The following LTBR variants were observed in gnomAD, a reference collection of about 807,000 sequenced individuals.
LTBR encodes the protein lymphotoxin beta receptor.
LTBR carries 15 observed loss-of-function variants against 45.4 expected under a neutral mutation model. The ratio of observed to expected loss-of-function variants is 0.33; its 90% CI spans 0.22 to 0.51. LTBR has a LOEUF of 0.51. Ranked by LOEUF, LTBR falls within the 20% of genes least tolerant of loss-of-function variation. LTBR has a pLI of 0.97. For synonymous variants in LTBR, 228 were observed against 231.0 expected (o/e 0.99, Z 0.12); for missense variants, 450 against 565.5 (o/e 0.80, Z 2.07).
Position 6,386,608 on chromosome 12 carries a change from C to T in LTBR, c.667+164C>T. 2.8e-6 allele frequency: 1 copy of T among 354,664 alleles called. No individual in the cohort carries two copies. Among genetic ancestry groups the T allele is most frequent in the East Asian group, 4.7e-5 (1 of 21,470 alleles). The allele number at this position is 354,664 out of a possible 1,614,324, so 22.0% of individuals were successfully genotyped here. On this transcript the variant is annotated intron_variant, in intron 6 of 9. Transcript: ENST00000228918. This position sits in a 1 kb window ranked among gnomAD's most constrained non-coding sequence, Gnocchi z 4.1. ...TGGAGTATCTCTAGGCTAGTTTACA[C>T]ACACACACACACACACACACACACA...
upstream of LTBR, chr12:6,375,365 C>G (rs1948886514): frequency 6.8e-7 from 1 of 1,463,582 alleles, no homozygotes; most frequent in Non-Finnish European, 9.0e-7. Context: ...CGAGCTGTGT[C>G]CTGATTCTGT....
upstream of LTBR, among the ~76,000 whole-genome samples, chr12:6,380,465 TG>T (rs1948972284): frequency 6.6e-6 from 1 of 151,928 alleles, no homozygotes; most frequent in Non-Finnish European, 1.5e-5. Context: ...CGAAATGACT[TG>T]AGACCAGGAA....
Position 6,388,608 on chromosome 12 carries a change from C to A in LTBR, c.775+103C>A. ...CTCCACACCCTCAAGACTCCCAATG[C>A]CTACCCCCAACATAGACATCCTTAT... On this transcript the variant is annotated intron_variant, in intron 7 of 9. Coordinates refer to ENST00000228918, the MANE Select transcript of LTBR (RefSeq NM_002342.3). The surrounding 1 kb of genome is among the most constrained non-coding windows in gnomAD (Gnocchi z 4.3). 2.7e-6 allele frequency: 3 copies of A among 1,126,912 alleles called. No homozygotes were observed. The highest frequency in any genetic ancestry group is 4.0e-6 in the Non-Finnish European group (3 of 749,050). The allele number at this position is 1,126,912 out of a possible 1,614,324, so 69.8% of individuals were successfully genotyped here.
upstream of LTBR, among the ~76,000 whole-genome samples, chr12:6,382,152 G>C (rs889294355): frequency 1.3e-5 from 2 of 152,032 alleles, no homozygotes; most frequent in Non-Finnish European, 2.9e-5. Flanking sequence ...CATAAGACAG[G>C]GTGGGGAAAA....
upstream of LTBR, chr12:6,375,264 T>C: frequency 7.0e-7 from 1 of 1,438,106 alleles, no homozygotes; most frequent in Non-Finnish European, 9.1e-7. Flanking sequence ...CTGGCCTGCC[T>C]CCTCTCTCTA....
At chr12:6,380,704 AAG>A (rs1565491769), upstream of LTBR, among the ~76,000 whole-genome samples, 2 of 148,618 alleles carry the variant, frequency 1.3e-5, no homozygotes, top group Admixed American at 6.7e-5. Context: ...AAAAAAAAAA[AAG>A]AAGAAGAAGA....
In LTBR at chr12:6,384,698, G is replaced by A. The variant is rs773932986; in HGVS notation, c.193+14G>A. Reference sequence around the variant, plus strand: ...GCTGCCCGCCAGGTGAGAGGCAATGGCAGGACGAACCTGGGCCTCGGAAGT... The same window carrying A: ...GCTGCCCGCCAGGTGAGAGGCAATGACAGGACGAACCTGGGCCTCGGAAGT... On this transcript the variant is annotated intron_variant, in intron 2 of 9. Coordinates refer to ENST00000228918, the MANE Select transcript of LTBR (RefSeq NM_002342.3). 1 of 1,612,780 alleles carries A rather than the reference G, an allele frequency of 6.2e-7. No homozygotes were observed. Among genetic ancestry groups the A allele is most frequent in the South Asian group, 1.1e-5 (1 of 91,044 alleles).
chr12:6,375,859 G>C, intron 1 of LTBR: 1 of 1,322,360 alleles, frequency 7.6e-7, no homozygotes, highest in Non-Finnish European at 9.6e-7. Context: ...GAGGGCCTGG[G>C]TGGGGAACCG....
In LTBR at chr12:6,388,429, A is replaced by T; in HGVS notation, c.699A>T (p.Pro233=). ...GTMLMLAVLL[P]LAFFLLLATV... ...TGCTGATGCTGGCCGTTCTGCTGCC[A>T]CTGGCCTTCTTTCTGCTCCTTGCCA... Residue 233 remains proline, a synonymous_variant, in exon 7 of 10, where the codon CCA becomes CCT. Coordinates refer to ENST00000228918, the MANE Select transcript of LTBR (RefSeq NM_002342.3). This position sits in a 1 kb window ranked among gnomAD's most constrained non-coding sequence, Gnocchi z 4.3. 2 of 1,613,802 alleles carry T rather than the reference A, an allele frequency of 1.2e-6. No homozygotes were observed. The highest frequency in any genetic ancestry group is 8.5e-7 in the Non-Finnish European group (1 of 1,179,994).
In LTBR at chr12:6,385,468, G is replaced by A. The variant is rs891862627; in HGVS notation, c.472+89G>A. On this transcript the variant is annotated intron_variant, in intron 4 of 9. Transcript: ENST00000228918. ...GCAGGGAATATGGTACTGTGTCCAC[G>A]GCGACCCCCCAGATCCTTGGCTTAA... 87 of 1,474,530 alleles carry A rather than the reference G, an allele frequency of 5.9e-5. 1 individual carries two copies. The highest frequency in any genetic ancestry group is 2.3e-4 in the Middle Eastern group (1 of 4,282). The allele number at this position is 1,474,530 out of a possible 1,614,324, so 91.3% of individuals were successfully genotyped here.
exon 1 of LTBR, chr12:6,375,454 A>T: frequency 4.6e-6 from 7 of 1,535,232 alleles, no homozygotes; most frequent in Admixed American, 2.0e-5. Context: ...CTGGACTGGG[A>T]CTGGTTCCTT....
Position 6,386,543 on chromosome 12 carries a change from C to T in LTBR, c.667+99C>T, listed in dbSNP as rs762734341. ...ATGGGGAAAAGATGAACACTTCCCT[C>T]CCAGAATTGGGCAAGAAGAAAGTTC... is the stretch of plus-strand genomic sequence containing the variant. On this transcript the variant is annotated intron_variant, in intron 6 of 9. Transcript: ENST00000228918. The surrounding 1 kb of genome is among the most constrained non-coding windows in gnomAD (Gnocchi z 4.1). 38 of 935,820 alleles carry T rather than the reference C, an allele frequency of 4.1e-5. No homozygotes were observed. Among genetic ancestry groups the T allele is most frequent in the Admixed American group, 7.0e-5 (3 of 42,874 alleles). 58.0% of individuals were successfully genotyped at this position (935,820 alleles called of 1,614,324 possible).
Position 6,386,074 on chromosome 12 carries a change from G to T in LTBR, c.481G>T (p.Gly161Trp), listed in dbSNP as rs758976124. 18 of 1,613,120 alleles carry T rather than the reference G, an allele frequency of 1.1e-5. No individual in the cohort carries two copies. Among genetic ancestry groups the T allele is most frequent in the Non-Finnish European group, 5.1e-6 (6 of 1,179,304 alleles). Reference sequence around the variant, plus strand: ...TGCCTTTCTCTTGCCAGATGAAGTTGGGAAGGGTAACAACCACTGCGTCCC... The same window carrying T: ...TGCCTTTCTCTTGCCAGATGAAGTTTGGAAGGGTAACAACCACTGCGTCCC... ...GTEAELKDEV[G>W]KGNNHCVPCK... is the part of the protein sequence containing the mutation. The change falls in exon 5 of 10, where the codon GGG becomes TGG. Residue 161 changes from glycine to tryptophan, a missense_variant. Around this residue, in one of 3 missense-constraint regions of LTBR, gnomAD observed 367 missense variants for 435.4 expected, o/e 0.84. Coordinates refer to ENST00000228918, the MANE Select transcript of LTBR (RefSeq NM_002342.3). The surrounding 1 kb of genome is among the most constrained non-coding windows in gnomAD (Gnocchi z 4.1).
chr12:6,381,549 A>G (rs374725983), upstream of LTBR, among the ~76,000 whole-genome samples: 22 of 152,374 alleles, frequency 1.4e-4, no homozygotes, highest in East Asian at 1.9e-3. Context: ...CTGAAGCGCC[A>G]GCTTACGGCT....
chr12:6,390,573 AAAGGCGAGAAG>A, intron 9 of LTBR, 76 bp from the exon 10 acceptor site: 1 of 1,356,664 alleles, frequency 7.4e-7, no homozygotes, highest in Non-Finnish European at 1.0e-6. Context: ...GGGCCAGGGG[AAAGGCGAGAAG>A]AAGGCAAGAA....
chr12:6,375,163 C>A (rs991112861), upstream of LTBR: 16 of 1,460,352 alleles, frequency 1.1e-5, no homozygotes, highest in African/African-American at 2.1e-4. Flanking sequence ...CTTTGGTCTT[C>A]TTCCTCCAGG....
intron 4 of LTBR, chr12:6,385,701 T>C (rs41476446): frequency 2.6e-6 from 1 of 390,296 alleles, no homozygotes; most frequent in African/African-American, 2.0e-5. Context: ...GGTCAGGAGA[T>C]CGAGACCATC....
chr12:6,381,842 A>G (rs923719024), upstream of LTBR, among the ~76,000 whole-genome samples: 21 of 152,156 alleles, frequency 1.4e-4, no homozygotes, highest in Non-Finnish European at 2.9e-5. Flanking sequence ...GCATGGTGGC[A>G]GGCGCCCGTA....
At chr12:6,376,136 A>G (rs1948904527) in intron 1 of LTBR, 1 of 986,432 alleles carries the variant, frequency 1.0e-6, no homozygotes, top group East Asian at 1.1e-4. Context: ...GGCCCTGCAG[A>G]GAAGAGAGAA....
Sources: gnomAD v4.1 joint callset for allele counts (sites outside exome capture counted in the v4.1 genomes callset) on GRCh38, gnomAD v4.1.1 for gene constraint, gnomAD v4.1.1 regional missense constraint, Gnocchi (gnomAD v3.1) non-coding constraint, MANE v1.5 for transcripts, NCBI Gene and HGNC (gene_info 2026-07-23, HGNC 2026-07-21) for gene names.